The following NCR3 variants were observed in gnomAD, a reference collection of about 807,000 sequenced individuals.
NCR3 encodes NK-p30.
NCR3 carries 13 observed loss-of-function variants against 16.1 expected under a neutral mutation model. The ratio of observed to expected loss-of-function variants is 0.81; its 90% CI spans 0.53 to 1.28. The LOEUF (loss-of-function observed/expected upper bound fraction) is 1.28. NCR3 is among the 50% of genes most tolerant of loss of function. The pLI is 0.00. For synonymous variants in NCR3, 98 were observed against 106.6 expected (o/e 0.92, Z 0.50); for missense variants, 202 against 256.8 (o/e 0.79, Z 1.46).
chr6:31,592,409 C>G (rs1420721426), intron 1 of NCR3, among the ~76,000 whole-genome samples: 31 of 133,358 alleles, frequency 2.3e-4, no homozygotes, highest in African/African-American at 8.7e-4. Flanking sequence ...GAGACTCAGT[C>G]TCAAAAAAAA....
In NCR3 at chr6:31,589,684, A is replaced by C. The variant is rs759304037; in HGVS notation, c.389-51T>G. On this transcript the variant is annotated intron_variant, in intron 2 of 3. Transcript: ENST00000340027. This position sits in a 1 kb window ranked among gnomAD's most constrained non-coding sequence, Gnocchi z 4.8. ...TTGGGGAAGAAGTGCACACAGGCTCAGGGAGGGAAGGGGCCTCAGAGGAGC... is the reference window on the plus strand; with the variant it reads ...TTGGGGAAGAAGTGCACACAGGCTCCGGGAGGGAAGGGGCCTCAGAGGAGC... 1.2e-6 allele frequency: 2 copies of C among 1,608,968 alleles called. No homozygotes were observed. The highest frequency in any genetic ancestry group is 3.3e-5 in the Admixed American group (2 of 59,880).
chr6:31,590,187 A>G (rs1387441575), intron 1 of NCR3, 61 bp from the exon 2 acceptor site: 8 of 1,450,008 alleles, frequency 5.5e-6, no homozygotes, highest in Non-Finnish European at 7.5e-6. Context: ...AGAAAAGACA[A>G]CAGAGCTTGG....
In NCR3 at chr6:31,591,238, G is replaced by T. The variant is rs560573078; in HGVS notation, c.44-1112C>A. Among the ~76,000 whole-genome samples the T allele has an allele frequency of 3.3e-5, 5 of 152,170 alleles. No individual in the cohort carries two copies. The South Asian group carries it at 1.0e-3, about 31-fold the overall frequency. ...ATTGGTTGAGATTCCTATTTAACCC[G>T]TCCATGTTGATGAATTAAACCAAAT... On this transcript the variant is annotated intron_variant, in intron 1 of 3. Transcript: ENST00000340027.
intron 1 of NCR3, among the ~76,000 whole-genome samples, chr6:31,591,586 C>T (rs1379722303): frequency 1.3e-5 from 2 of 152,298 alleles, no homozygotes; most frequent in African/African-American, 2.4e-5. Flanking sequence ...AAGGCCAAGG[C>T]GAGTGGATCA....
chr6:31,592,259 A>G (rs1276070898), intron 1 of NCR3, among the ~76,000 whole-genome samples: 1 of 151,726 alleles, frequency 6.6e-6, no homozygotes, highest in African/African-American at 2.4e-5. Context: ...CAAAAAAAAA[A>G]AAAATTAGCC....
rs1247485851 is a variant in NCR3 at position 31,592,856 on chromosome 6, C to T, written c.-135G>A. The T allele has an allele frequency of 9.2e-6, 8 of 866,202 alleles. No homozygotes were observed. Among genetic ancestry groups the T allele is most frequent in the African/African-American group, 1.7e-5 (1 of 60,434 alleles). 53.7% of individuals were successfully genotyped at this position (866,202 alleles called of 1,614,324 possible). A position where few individuals can be genotyped will look rare whatever the true frequency, so the allele number is the denominator to read the frequency against. On this transcript the variant is annotated 5_prime_UTR_variant, in exon 1 of 4. The change creates a new upstream start codon in the 5' untranslated region. Transcript: ENST00000340027. ...AGCTTCCTATGACACACGGGACTCA[C>T]ACATCACTTGCCAAGGACCACAACT...
intron 1 of NCR3, 85 bp from the exon 2 acceptor site, chr6:31,590,211 A>G (rs1444562390): frequency 1.7e-6 from 2 of 1,191,764 alleles, no homozygotes; most frequent in Non-Finnish European, 2.3e-6. Context: ...AGAACATCCC[A>G]GCTTTCTCCA....
intron 1 of NCR3, among the ~76,000 whole-genome samples, chr6:31,590,850 CTTTTTTT>C (rs1157939975): frequency 2.6e-5 from 4 of 151,502 alleles, no homozygotes; most frequent in African/African-American, 9.7e-5. Context: ...TTTCTTTTTT[CTTTTTTT>C]GAGATGGGGT....
rs11575841 is a variant in NCR3 at position 31,589,714 on chromosome 6, C to G, written c.388+68G>C. On this transcript the variant is annotated intron_variant, in intron 2 of 3. Transcript: ENST00000340027. The surrounding 1 kb of genome is among the most constrained non-coding windows in gnomAD (Gnocchi z 4.8). ...GGGAAGGGGCCTCAGAGGAGCATCC[C>G]TGCCTCCCAAGGACATTGCCTCTTG... The G allele has an allele frequency of 5.6e-6, 9 of 1,604,886 alleles. No individual in the cohort carries two copies. The African/African-American group carries it at 1.2e-4, about 21-fold the overall frequency.
intron 1 of NCR3, among the ~76,000 whole-genome samples, chr6:31,591,148 C>T (rs994040699): frequency 6.6e-6 from 1 of 152,172 alleles, no homozygotes; most frequent in Non-Finnish European, 1.5e-5. Context: ...AAAGTGCACC[C>T]AGCCACTCTT....
Sources: gnomAD v4.1 joint callset for allele counts (sites outside exome capture counted in the v4.1 genomes callset) on GRCh38, gnomAD v4.1.1 for gene constraint, Gnocchi (gnomAD v3.1) non-coding constraint, MANE v1.5 for transcripts, NCBI Gene and HGNC (gene_info 2026-07-23, HGNC 2026-07-21) for gene names.